The following FLT4 variants were observed in gnomAD, a reference collection of about 807,000 sequenced individuals.
The protein encoded by FLT4 is fms related receptor tyrosine kinase 4, also known as vascular endothelial growth factor receptor 3.
FLT4 carries 30 observed loss-of-function variants against 163.2 expected under a neutral mutation model. That is an observed-to-expected ratio of 0.18 (90% CI 0.14 to 0.25). The LOEUF (loss-of-function observed/expected upper bound fraction) is 0.25. Among genes scored for constraint, FLT4 ranks in the 10% least tolerant of loss-of-function variants. FLT4 has a pLI of 1.00. For missense variants in FLT4, 1,510 were observed against 1,863.8 expected (o/e 0.81, Z 3.50); for synonymous variants, 884 against 789.5 (o/e 1.12, Z -2.01).
In FLT4 at chr5:180,649,522, G is replaced by A. The variant is rs1302666377; in HGVS notation, c.24C>T (p.Cys8=). The A allele has an allele frequency of 6.9e-7, 1 of 1,448,212 alleles. No homozygotes were observed. Among genetic ancestry groups the A allele is most frequent in the South Asian group, 1.3e-5 (1 of 76,668 alleles). 89.7% of individuals were successfully genotyped at this position (1,448,212 alleles called of 1,614,324 possible). MQRGAAL[C]LRLWLCLGLL... ...GTCCCAGGCAGAGCCACAGTCGCAG[G>A]CACAGCGCGGCGCCCCGCTGCATCT... Residue 8 remains cysteine (C), a synonymous_variant, in exon 1 of 30, where the codon TGC becomes TGT. Transcript: ENST00000261937.
intron 1 of FLT4, among the ~76,000 whole-genome samples, chr5:180,633,749 T>C (rs1764346113): frequency 6.6e-6 from 1 of 152,118 alleles, no homozygotes; most frequent in Non-Finnish European, 1.5e-5. Context: ...TGGTCTGTCC[T>C]CAGAGCTACA....
Position 180,626,174 on chromosome 5 carries a change from G to T in FLT4, c.1195C>A (p.Leu399Ile), listed in dbSNP as rs541027883. 6.2e-7 allele frequency: 1 copy of T among 1,612,896 alleles called. No individual in the cohort carries two copies. Among genetic ancestry groups the T allele is most frequent in the Non-Finnish European group, 8.5e-7 (1 of 1,180,016 alleles). ...VTEASTGTYT[L>I]ALWNSAAGLR... ...CCAGCAGCGGAGTTCCACAGGGCGA[G>T]GGTGTAGGTGCCTGTGCTGGCCTCT... Residue 399 changes from leucine (L) to isoleucine (I), a missense_variant, in exon 9 of 30, where the codon CTC becomes ATC. By Grantham distance (5) the Leu-to-Ile change is conservative. Transcript: ENST00000261937.
chr5:180,603,721 G>A (rs926047659), intron 29 of FLT4, among the ~76,000 whole-genome samples: 3 of 152,126 alleles, frequency 2.0e-5, no homozygotes, highest in South Asian at 2.1e-4. Context: ...TGGCTAACAC[G>A]GTGAAACCCC....
intron 8 of FLT4, among the ~76,000 whole-genome samples, chr5:180,626,483 C>T (rs868624859): frequency 3.9e-5 from 6 of 152,174 alleles, no homozygotes; most frequent in African/African-American, 7.2e-5. Flanking sequence ...GCGGCCGGCT[C>T]GGGCATTGGT....
chr5:180,616,601 G>T, intron 22 of FLT4, 112 bp from the exon 23 acceptor site: 1 of 1,196,764 alleles, frequency 8.4e-7, no homozygotes, highest in Non-Finnish European at 1.2e-6. Flanking sequence ...TGCCCTGCCT[G>T]AACTGTGCTC....
upstream of FLT4, chr5:180,649,747 G>A (rs796352429): frequency 6.5e-4 from 113 of 174,236 alleles, 1 homozygote; most frequent in African/African-American, 2.5e-3. Flanking sequence ...AGCAGTGCGC[G>A]CTCCGCACCA....
chr5:180,624,910 C>T (rs1353994977), intron 10 of FLT4, among the ~76,000 whole-genome samples: 1 of 152,252 alleles, frequency 6.6e-6, no homozygotes, highest in Non-Finnish European at 1.5e-5. Context: ...CCCCGAAGGG[C>T]TCCATCACTT....
chr5:180,621,382 C>A, intron 13 of FLT4, 130 bp from the exon 14 acceptor site: 1 of 1,397,794 alleles, frequency 7.2e-7, no homozygotes, highest in Non-Finnish European at 9.6e-7. Flanking sequence ...GGCAGGAGCG[C>A]GGCGCGCCTC....
At position 180,623,853 on chromosome 5, in the gene FLT4, G is replaced by A. The variant is rs1763370651; in HGVS notation, c.1548+82C>T. Reference sequence around the variant, plus strand: ...CTCTGCCCAGCACTCTGGAAGCCAGGTGGAAACCACATGGCAGTAATGGCC... The same window carrying A: ...CTCTGCCCAGCACTCTGGAAGCCAGATGGAAACCACATGGCAGTAATGGCC... On this transcript the variant is annotated intron_variant, in intron 11 of 29. Transcript: ENST00000261937. This position sits in a 1 kb window ranked among gnomAD's most constrained non-coding sequence, Gnocchi z 5.8. 1 of 1,576,118 alleles carries A rather than the reference G, an allele frequency of 6.3e-7. No individual in the cohort carries two copies. The highest frequency in any genetic ancestry group is 1.1e-5 in the South Asian group (1 of 90,214).
intron 13 of FLT4, 44 bp from the exon 14 acceptor site, chr5:180,621,296 G>A: frequency 6.3e-7 from 1 of 1,589,188 alleles, no homozygotes; most frequent in Non-Finnish European, 8.6e-7. Flanking sequence ...GCTGCACTTA[G>A]CAGGAGGACC....
intron 22 of FLT4, 89 bp downstream of exon 22, chr5:180,616,811 T>C (rs887541300): frequency 6.8e-6 from 7 of 1,026,384 alleles, no homozygotes; most frequent in South Asian, 1.3e-5. Flanking sequence ...CACAGAGCCA[T>C]TGCAGGGTGA....
intron 8 of FLT4, 113 bp from the exon 9 acceptor site, chr5:180,626,378 A>G: frequency 8.4e-7 from 1 of 1,196,074 alleles, no homozygotes; most frequent in Non-Finnish European, 1.2e-6. Context: ...GCAGGAGTGC[A>G]GGGTAGGACG....
At chr5:180,606,512 G>T (rs1053439407) in intron 29 of FLT4, among the ~76,000 whole-genome samples, 1 of 152,216 alleles carries the variant, frequency 6.6e-6, no homozygotes, top group South Asian at 2.1e-4. Flanking sequence ...CCCAACTCAC[G>T]TTTCCACGGA....
chr5:180,612,385 C>G (rs961689508), intron 26 of FLT4, 121 bp downstream of exon 26: 3 of 774,742 alleles, frequency 3.9e-6, no homozygotes, highest in Non-Finnish European at 7.0e-6. Context: ...AGGACCCCAC[C>G]ACCCTAGCCT....
At chr5:180,611,136 A>C (rs1467248727) in intron 27 of FLT4, among the ~76,000 whole-genome samples, 195 bp downstream of exon 27, 2 of 152,218 alleles carry the variant, frequency 1.3e-5, no homozygotes, top group African/African-American at 2.4e-5. Flanking sequence ...ACTCAAAAAC[A>C]AGCACGCAGC....
At position 180,636,477 on chromosome 5, in the gene FLT4, A is replaced by G. The variant is rs1049250363; in HGVS notation, c.59-4699T>C. Among the ~76,000 whole-genome samples the G allele has an allele frequency of 4.8e-5, 7 of 147,010 alleles. No homozygotes were observed. Among genetic ancestry groups the G allele is most frequent in the Non-Finnish European group, 7.5e-5 (5 of 66,892 alleles). Reference sequence around the variant, plus strand: ...CTTTGGCGGCACCGCCCTCTTCCCCATTAAAGCTGTCATCAGCTGCACCCC... The same window carrying G: ...CTTTGGCGGCACCGCCCTCTTCCCCGTTAAAGCTGTCATCAGCTGCACCCC... On this transcript the variant is annotated intron_variant, in intron 1 of 29. Transcript: ENST00000261937. This position sits in a 1 kb window ranked among gnomAD's most constrained non-coding sequence, Gnocchi z 4.3.
At chr5:180,611,541 C>A in intron 26 of FLT4, 62 bp from the exon 27 acceptor site, 2 of 1,567,466 alleles carry the variant, frequency 1.3e-6, no homozygotes, top group Non-Finnish European at 1.7e-6. Flanking sequence ...CAGCCCTCGC[C>A]CCCACCCTCA....
intron 1 of FLT4, among the ~76,000 whole-genome samples, chr5:180,648,695 C>T (rs1008451577): frequency 2.6e-5 from 4 of 151,390 alleles, no homozygotes; most frequent in African/African-American, 9.7e-5. Flanking sequence ...CCTCCGCCTC[C>T]GCTTCAGGTC....
At chr5:180,627,329 C>G (rs765374565) in intron 8 of FLT4, among the ~76,000 whole-genome samples, 1 of 152,068 alleles carries the variant, frequency 6.6e-6, no homozygotes. Context: ...GGCCTGGGGT[C>G]GCAGAGTGAG....
Sources: allele counts gnomAD v4.1 joint callset (sites outside exome capture counted in the v4.1 genomes callset), GRCh38; gene constraint gnomAD v4.1.1; non-coding constraint Gnocchi (gnomAD v3.1); transcripts MANE v1.5; gene names NCBI Gene and HGNC (gene_info 2026-07-23, HGNC 2026-07-21).